ATG10: variants seen among roughly 807,000 people sequenced by gnomAD.
ATG10 encodes ubiquitin-like-conjugating enzyme ATG10.
A neutral mutation model predicts 32.1 loss-of-function variants in ATG10; 30 were observed. That is an observed-to-expected ratio of 0.94 (90% CI 0.70 to 1.27). The LOEUF (loss-of-function observed/expected upper bound fraction) is 1.27, where lower values mean the gene tolerates loss of function less well. Ranked by LOEUF, ATG10 falls within the 50% of genes most tolerant of loss-of-function variation. The pLI, the probability that ATG10 is intolerant of heterozygous loss-of-function variation, is 0.00. For synonymous variants in ATG10, 87 were observed against 91.5 expected, an observed-to-expected ratio of 0.95 and a Z score of 0.28; for missense variants, 233 against 262.3, an observed-to-expected ratio of 0.89 and a Z score of 0.77.
chr5:82,243,031 G>A, intron 5 of ATG10: 1 of 244,558 alleles, frequency 4.1e-6, no homozygotes, highest in Non-Finnish European at 8.3e-6. Context: ...GGTGATCAGA[G>A]TATTAAGATA....
intron 5 of ATG10, among the ~76,000 whole-genome samples, chr5:82,215,422 G>GC (rs540271091): frequency 9.7e-4 from 147 of 152,260 alleles, no homozygotes; most frequent in Admixed American, 1.6e-3. Context: ...CAGCCCATAC[G>GC]CAAGGGGACA....
intron 3 of ATG10, among the ~76,000 whole-genome samples, chr5:82,163,031 TAGA>T (rs1743428471): frequency 6.6e-6 from 1 of 152,122 alleles, no homozygotes; most frequent in Non-Finnish European, 1.5e-5. Flanking sequence ...ACCACCAAGA[TAGA>T]ATTATTTTAT....
chr5:82,247,206 C>T (rs1747073256), intron 5 of ATG10, among the ~76,000 whole-genome samples: 1 of 152,180 alleles, frequency 6.6e-6, no homozygotes, highest in Middle Eastern at 3.4e-3. Flanking sequence ...AATTTTTAGC[C>T]AATATTTCTT....
chr5:82,087,036 G>A (rs138142379), intron 3 of ATG10, among the ~76,000 whole-genome samples: 181 of 152,228 alleles, frequency 1.2e-3, no homozygotes, highest in African/African-American at 4.2e-3. Flanking sequence ...TTGAGTTCAT[G>A]TTGAGTATCC....
chr5:81,978,562 T>C (rs1760936243), intron 1 of ATG10, among the ~76,000 whole-genome samples: 1 of 152,186 alleles, frequency 6.6e-6, no homozygotes, highest in Non-Finnish European at 1.5e-5. Flanking sequence ...CATTTTTTCT[T>C]ATGTGCTTGC....
At chr5:81,991,655 T>C (rs1005474331) in intron 2 of ATG10, among the ~76,000 whole-genome samples, 4 of 151,824 alleles carry the variant, frequency 2.6e-5, no homozygotes, top group South Asian at 4.2e-4. Context: ...ATTAGCCGAG[T>C]GTGGTGGTGC....
chr5:82,238,852 C>T lies in ATG10; in HGVS notation c.454-13710C>T, dbSNP rs372818562. 4.3e-4 allele frequency among the ~76,000 whole-genome samples: 65 copies of T among 152,220 alleles called. No homozygotes were observed. The South Asian group carries it at 5.4e-3, about 13-fold the overall frequency. Reference sequence around the variant, plus strand: ...TGAGTCCGCTTCTTAGTCTGGGTAACATACCTTAGGGGGATACAGTGGTGT... The same window carrying T: ...TGAGTCCGCTTCTTAGTCTGGGTAATATACCTTAGGGGGATACAGTGGTGT... On this transcript the variant is annotated intron_variant, in intron 5 of 7. Transcript: ENST00000282185.
chr5:82,185,132 C>G (rs1433286672), intron 5 of ATG10, among the ~76,000 whole-genome samples: 1 of 152,230 alleles, frequency 6.6e-6, no homozygotes, highest in Non-Finnish European at 1.5e-5. Flanking sequence ...ACACATGCCC[C>G]TCTTGGGAAA....
chr5:82,058,366 C>T, intron 2 of ATG10, 129 bp from the exon 3 acceptor site: 2 of 637,088 alleles, frequency 3.1e-6, no homozygotes, highest in East Asian at 2.7e-5. Context: ...TCTCTTTATC[C>T]ATATAGTCTC....
At chr5:82,173,391 G>A (rs895617115) in intron 4 of ATG10, among the ~76,000 whole-genome samples, 15 of 152,174 alleles carry the variant, frequency 9.9e-5, no homozygotes, top group African/African-American at 2.9e-4. Flanking sequence ...CAAATTAAAT[G>A]CTACTGGCAG....
intron 3 of ATG10, chr5:82,111,421 T>G (rs1207675048): frequency 1.3e-5 from 2 of 152,010 alleles, no homozygotes; most frequent in African/African-American, 4.8e-5. Flanking sequence ...GCTCTCTAGC[T>G]GTGGTTTCTT....
chr5:82,029,039 T>C (rs1452384767), intron 2 of ATG10, among the ~76,000 whole-genome samples: 2 of 152,194 alleles, frequency 1.3e-5, no homozygotes, highest in African/African-American at 4.8e-5. Context: ...TGGTTTGAAA[T>C]GTATGATTTC....
chr5:82,001,631 T>TA (rs1473280265), intron 2 of ATG10, among the ~76,000 whole-genome samples: 11 of 151,728 alleles, frequency 7.2e-5, no homozygotes, highest in Admixed American at 6.6e-4. Flanking sequence ...TTACACCATA[T>TA]AAAAAATCGA....
chr5:82,184,810 G>C (rs73768641), intron 5 of ATG10, among the ~76,000 whole-genome samples: 3,695 of 152,076 alleles, frequency 0.024, 144 homozygotes, highest in African/African-American at 0.083. Context: ...GTAGACCCCA[G>C]GCACCATGCC....
chr5:82,136,326 G>T (rs1766746321), intron 3 of ATG10, among the ~76,000 whole-genome samples: 1 of 152,102 alleles, frequency 6.6e-6, no homozygotes, highest in Non-Finnish European at 1.5e-5. Context: ...AGTGTCGACG[G>T]TCTTTACAAT....
chr5:82,191,430 A>C (rs977179190), intron 5 of ATG10, among the ~76,000 whole-genome samples: 1 of 152,232 alleles, frequency 6.6e-6, no homozygotes, highest in Non-Finnish European at 1.5e-5. Flanking sequence ...GCAGAACTCC[A>C]TGGAAGCCCT....
At chr5:82,115,751 G>A (rs1441961889) in intron 3 of ATG10, among the ~76,000 whole-genome samples, 1 of 152,064 alleles carries the variant, frequency 6.6e-6, no homozygotes, top group East Asian at 1.9e-4. Flanking sequence ...TAGCAGAGCT[G>A]GCCACATAGA....
intron 2 of ATG10, among the ~76,000 whole-genome samples, chr5:82,020,690 C>T (rs1233826398): frequency 6.6e-6 from 1 of 152,080 alleles, no homozygotes; most frequent in Non-Finnish European, 1.5e-5. Flanking sequence ...GCAGGCCAGC[C>T]TGAGCTTGTT....
chr5:82,092,000 A>G (rs1764903123), intron 3 of ATG10, among the ~76,000 whole-genome samples: 1 of 152,228 alleles, frequency 6.6e-6, no homozygotes, highest in African/African-American at 2.4e-5. Flanking sequence ...TTCTTGAAAC[A>G]TAGAAGAATA....
Sources: allele counts gnomAD v4.1 joint callset (sites outside exome capture counted in the v4.1 genomes callset), GRCh38; gene constraint gnomAD v4.1.1; transcripts MANE v1.5; gene names NCBI Gene and HGNC (gene_info 2026-07-23, HGNC 2026-07-21).